PCDHA2: variants seen among roughly 807,000 people sequenced by gnomAD.
PCDHA2 encodes protocadherin alpha 2.
In PCDHA2, 58 loss-of-function variants were observed where a neutral mutation model predicts 66.0. The observed-to-expected ratio is 0.88, with a 90% CI of 0.71 to 1.09. PCDHA2 has a LOEUF of 1.09. Ranked by LOEUF, PCDHA2 falls within the 50% of genes least tolerant of loss-of-function variation. PCDHA2 has a pLI of 0.00. For missense variants in PCDHA2, 1,267 were observed against 1,242.3 expected (o/e 1.02, Z -0.30); for synonymous variants, 634 against 554.0 (o/e 1.14, Z -2.03).
chr5:140,883,230 A>T (rs1554177225), intron 1 of PCDHA2: 1 of 1,614,082 alleles, frequency 6.2e-7, no homozygotes, highest in African/African-American at 1.3e-5. Flanking sequence ...ATATCCGTGG[A>T]GGCAGTTGAC....
chr5:140,862,720 G>T (rs558152493), intron 1 of PCDHA2: 18 of 566,048 alleles, frequency 3.2e-5, no homozygotes, highest in Non-Finnish European at 6.2e-5. Flanking sequence ...GGGCGAGTGC[G>T]CGCTGTCTAG....
intron 3 of PCDHA2, among the ~76,000 whole-genome samples, chr5:140,999,590 C>T (rs951986017): frequency 3.3e-5 from 5 of 152,132 alleles, no homozygotes; most frequent in Non-Finnish European, 7.3e-5. Context: ...AAATTGCCTT[C>T]CCTACATCCT....
At chr5:140,835,825 A>G (rs2150245985) in intron 1 of PCDHA2, 3 of 1,612,220 alleles carry the variant, frequency 1.9e-6, no homozygotes, top group African/African-American at 1.3e-5. Context: ...TCGGCGGGGG[A>G]CGCGGACGCG....
intron 3 of PCDHA2, among the ~76,000 whole-genome samples, chr5:140,997,797 C>A (rs2097786104): frequency 6.6e-6 from 1 of 151,944 alleles, no homozygotes; most frequent in Non-Finnish European, 1.5e-5. Context: ...TATAATTTAT[C>A]CAATTTGCTG....
intron 3 of PCDHA2, among the ~76,000 whole-genome samples, chr5:140,995,400 C>T (rs2097681723): frequency 6.6e-6 from 1 of 152,062 alleles, no homozygotes; most frequent in Admixed American, 6.6e-5. Flanking sequence ...CGGGATGGCT[C>T]GAGATTTCAT....
chr5:140,982,413 G>A, intron 2 of PCDHA2, 62 bp from the exon 3 acceptor site: 2 of 1,609,608 alleles, frequency 1.2e-6, no homozygotes, highest in Non-Finnish European at 1.7e-6. Flanking sequence ...TTCTGAGGGT[G>A]GAAGAAGAGA....
intron 1 of PCDHA2, chr5:140,858,161 G>T: frequency 6.3e-7 from 1 of 1,597,836 alleles, no homozygotes; most frequent in Non-Finnish European, 8.6e-7. Flanking sequence ...CATCTGCGCG[G>T]TGTCCAGCTT....
In PCDHA2 at chr5:140,882,158, C is replaced by T. The variant is rs2058980027; in HGVS notation, c.2388+84806C>T. ...GAAAATATAGCAGAAAGCGGAATAC[C>T]TCTTGCGAATCCTTCCGCACTAGGA... On this transcript the variant is annotated intron_variant, in intron 1 of 3. Coordinates refer to ENST00000526136, the MANE Select transcript of PCDHA2 (RefSeq NM_018905.3). The T allele has an allele frequency of 4.6e-6, 7 of 1,507,380 alleles. No homozygotes were observed. The South Asian group carries it at 8.2e-5, about 18-fold the overall frequency. 93.4% of individuals were successfully genotyped at this position (1,507,380 alleles called of 1,614,324 possible). A position where few individuals can be genotyped will look rare whatever the true frequency, so the allele number is the denominator to read the frequency against.
At chr5:140,998,112 T>A (rs1554256165) in intron 3 of PCDHA2, among the ~76,000 whole-genome samples, 2 of 152,152 alleles carry the variant, frequency 1.3e-5, no homozygotes, top group Non-Finnish European at 2.9e-5. Context: ...AGGAGAAAAT[T>A]TACTTGTGAA....
At position 140,795,084 on chromosome 5, in the gene PCDHA2, A is replaced by C. The variant is rs1562150572; in HGVS notation, c.120A>C (p.Lys40Asn). The part of the protein sequence containing the change: ...QLRYSVPEEA[K>N]HGTFVGRIAQ... ...GCTACTCCGTCCCCGAGGAGGCCAAACACGGCACCTTCGTGGGCCGCATCG... is the reference window on the plus strand; with the variant it reads ...GCTACTCCGTCCCCGAGGAGGCCAACCACGGCACCTTCGTGGGCCGCATCG... Residue 40 changes from lysine (K) to asparagine (N), a missense_variant, in exon 1 of 4, where the codon AAA becomes AAC. Coordinates refer to ENST00000526136, the MANE Select transcript of PCDHA2 (RefSeq NM_018905.3). The C allele has an allele frequency of 8.7e-6, 14 of 1,614,034 alleles. No individual in the cohort carries two copies. The highest frequency in any genetic ancestry group is 1.1e-5 in the Non-Finnish European group (13 of 1,180,044).
chr5:140,998,042 C>T (rs187874119), intron 3 of PCDHA2, among the ~76,000 whole-genome samples: 21 of 152,284 alleles, frequency 1.4e-4, no homozygotes, highest in Non-Finnish European at 2.2e-4. Flanking sequence ...TGTCACTTAA[C>T]TCAGTGACAT....
At chr5:140,969,464 C>T in intron 1 of PCDHA2, 2 of 1,491,562 alleles carry the variant, frequency 1.3e-6, no homozygotes, top group South Asian at 2.7e-5. Context: ...ATATAGTATC[C>T]ACAATTTGAT....
At chr5:140,807,332 G>A (rs782649273) in intron 1 of PCDHA2, 3 of 1,613,598 alleles carry the variant, frequency 1.9e-6, no homozygotes, top group Admixed American at 3.3e-5. Context: ...GGGCCGCATC[G>A]CGCAGGACCT....
At chr5:140,844,242 G>A (rs2150369958) in intron 1 of PCDHA2, among the ~76,000 whole-genome samples, 3,371 of 149,312 alleles carry the variant, frequency 0.023, 302 homozygotes, top group African/African-American at 0.077. Flanking sequence ...CACTATTGCC[G>A]TTTTAAGCAG....
Position 140,808,806 on chromosome 5 carries a change from C to G in PCDHA2, c.2388+11454C>G, listed in dbSNP as rs1554124813. On this transcript the variant is annotated intron_variant, in intron 1 of 3. Coordinates refer to ENST00000526136, the MANE Select transcript of PCDHA2 (RefSeq NM_018905.3). ...CAGTTTCAGGTGACCGCTCGCGATG[C>G]CGGCGTGCCACCTCTGGGCAGCAAC... 6.2e-6 allele frequency: 10 copies of G among 1,612,650 alleles called. 2 individuals carry two copies. The South Asian group carries it at 9.9e-5, about 16-fold the overall frequency.
intron 1 of PCDHA2, among the ~76,000 whole-genome samples, chr5:140,901,839 A>G (rs578262204): frequency 6.6e-6 from 1 of 152,226 alleles, no homozygotes; most frequent in Admixed American, 6.5e-5. Context: ...TAAACATGCA[A>G]TATCTTTCCA....
intron 1 of PCDHA2, among the ~76,000 whole-genome samples, chr5:140,894,790 T>C (rs943284227): frequency 6.6e-6 from 1 of 152,164 alleles, no homozygotes. Flanking sequence ...ATTTGTCCTC[T>C]CCTTTAAAAA....
intron 1 of PCDHA2, chr5:140,969,130 C>A (rs1353677478): frequency 2.5e-6 from 4 of 1,614,132 alleles, no homozygotes; most frequent in Non-Finnish European, 1.7e-6. Context: ...GCTCCCTCAC[C>A]AAGACCTACT....
chr5:140,838,280 ATT>A lies in PCDHA2; in HGVS notation c.2388+40942_2388+40943del, dbSNP rs2150286950. Among the ~76,000 whole-genome samples, 385 of 139,594 alleles carry A rather than the reference ATT, an allele frequency of 2.8e-3. 5 individuals are homozygous for A. Among genetic ancestry groups the A allele is most frequent in the Middle Eastern group, 0.014 (4 of 280 alleles). 91.6% of individuals were successfully genotyped at this position (139,594 alleles called of 152,430 possible). The stretch of plus-strand genomic sequence containing the variant: ...AGACGCCAACAACCAAGCCATGCTA[ATT>A]TTTTTTTTTTTTTGTATTTTTAGTA... On this transcript the variant is annotated intron_variant, in intron 1 of 3. Coordinates refer to ENST00000526136, the MANE Select transcript of PCDHA2 (RefSeq NM_018905.3).
Sources: allele counts gnomAD v4.1 joint callset (sites outside exome capture counted in the v4.1 genomes callset), GRCh38; gene constraint gnomAD v4.1.1; transcripts MANE v1.5; gene names NCBI Gene and HGNC (gene_info 2026-07-23, HGNC 2026-07-21).